PPP1R12C: variants seen among roughly 807,000 people sequenced by gnomAD.
PPP1R12C encodes leukocyte receptor cluster (LRC) encoded novel gene 3.
PPP1R12C carries 48 observed loss-of-function variants against 95.6 expected under a neutral mutation model. The ratio of observed to expected loss-of-function variants is 0.50; its 90% confidence interval spans 0.40 to 0.64. PPP1R12C has a LOEUF of 0.64. PPP1R12C is among the 30% of genes least tolerant of loss of function. The pLI, the probability that PPP1R12C is intolerant of heterozygous loss-of-function variation, is 0.00. For synonymous variants in PPP1R12C, 480 were observed against 460.8 expected, an observed-to-expected ratio of 1.04 and a Z score of -0.53; for missense variants, 1,057 against 1,083.3, an observed-to-expected ratio of 0.98 and a Z score of 0.34.
chr19:55,096,043 C>A lies in PPP1R12C; in HGVS notation c.1153+8G>T. 1.9e-6 allele frequency: 3 copies of A among 1,609,066 alleles called. No individual in the cohort carries two copies. The highest frequency in any genetic ancestry group is 2.5e-6 in the Non-Finnish European group (3 of 1,179,202). Reference sequence around the variant, plus strand: ...TCGGACCCAGGAGTCCAGATTCAGGCCCCTCACCGGTGGGACCTTCTTCCC... The same window carrying A: ...TCGGACCCAGGAGTCCAGATTCAGGACCCTCACCGGTGGGACCTTCTTCCC... On this transcript the variant is annotated splice_region_variant and intron_variant, in intron 8 of 21. Coordinates refer to ENST00000263433, the MANE Select transcript of PPP1R12C (RefSeq NM_017607.4).
chr19:55,094,885 T>C (rs925814558), intron 11 of PPP1R12C, 87 bp from the exon 12 acceptor site: 3 of 1,425,482 alleles, frequency 2.1e-6, no homozygotes, highest in Non-Finnish European at 2.9e-6. Context: ...AAGAAACAAA[T>C]TATCTGGGCC....
In PPP1R12C at chr19:55,095,352, C is replaced by T; in HGVS notation, c.1393G>A (p.Glu465Lys). The change falls in exon 11 of 22, where the codon GAG (glutamate) becomes AAG (lysine). Residue 465 changes from glutamate (E) to lysine (K), a missense_variant. By Grantham distance (56) the Glu-to-Lys change is moderately conservative. Transcript: ENST00000263433. ...WLEGTSTQAK[E>K]LRLARITPTP... ...GGGGTAATTCTGGCAAGACGGAGCT[C>T]CTTGGCCTGTGTGGAGAGGAGAAGG... The T allele has an allele frequency of 6.3e-7, 1 of 1,591,416 alleles. No homozygotes were observed.
At chr19:55,096,564 C>T (rs886944929) in intron 6 of PPP1R12C, among the ~76,000 whole-genome samples, 1 of 152,076 alleles carries the variant, frequency 6.6e-6, no homozygotes, top group Non-Finnish European at 1.5e-5. Context: ...CCTCACGGCC[C>T]CCACCCATGA....
At position 55,098,935 on chromosome 19, in the gene PPP1R12C, G is replaced by C. The variant is rs758938818; in HGVS notation, c.876+16C>G. On this transcript the variant is annotated intron_variant, in intron 5 of 21. Coordinates refer to ENST00000263433, the MANE Select transcript of PPP1R12C (RefSeq NM_017607.4). ...CCCACGCCCTGCCCCTCACCAGCCT[G>C]GGCACTGGCCCTCACCGCATGGGTC... is the stretch of plus-strand genomic sequence containing the variant. The C allele has an allele frequency of 3.4e-5, 54 of 1,594,756 alleles. No homozygotes were observed. The highest frequency in any genetic ancestry group is 4.4e-5 in the Non-Finnish European group (52 of 1,170,682).
At chr19:55,110,316 G>A (rs1420715295) in intron 3 of PPP1R12C, among the ~76,000 whole-genome samples, 4 of 151,822 alleles carry the variant, frequency 2.6e-5, no homozygotes, top group African/African-American at 4.8e-5. Context: ...TAGCATCAAG[G>A]TTGGTGCGGT....
In PPP1R12C at chr19:55,091,682, G is replaced by A. The variant is rs373087491; in HGVS notation, c.2230C>T (p.Arg744Cys). Reference sequence around the variant, plus strand: ...TCCTCCTCCAGCTCTGCGGCCTTGCGTTCCAGGGCCCTGCGCTCCTGGAAT... The same window carrying A: ...TCCTCCTCCAGCTCTGCGGCCTTGCATTCCAGGGCCCTGCGCTCCTGGAAT... ...LERFERRALE[R>C]KAAELEEELK... The change falls in exon 21 of 22, where the codon CGC becomes TGC. Residue 744 changes from arginine to cysteine, a missense_variant. Arg to Cys is a radical substitution (Grantham distance 180, BLOSUM62 -3). This residue lies in a region of PPP1R12C where 347 missense variants were observed against 307.9 expected (regional missense o/e 1.13). Coordinates refer to ENST00000263433, the MANE Select transcript of PPP1R12C (RefSeq NM_017607.4). The A allele has an allele frequency of 3.5e-5, 56 of 1,613,090 alleles. No homozygotes were observed. The African/African-American group carries it at 5.2e-4, about 15-fold the overall frequency.
At position 55,109,443 on chromosome 19, in the gene PPP1R12C, T is replaced by A. The variant is rs927489630; in HGVS notation, c.571+3024A>T. On this transcript the variant is annotated intron_variant, in intron 3 of 21. Coordinates refer to ENST00000263433, the MANE Select transcript of PPP1R12C (RefSeq NM_017607.4). The surrounding 1 kb of genome is among the most constrained non-coding windows in gnomAD (Gnocchi z 4.4). ...TGAGCCAGGAGGAACGGGTTTTGGT[T>A]CTTGCAAAGAGTCATGCCCGATTCA... Among the ~76,000 whole-genome samples, 5 of 152,214 alleles carry A rather than the reference T, an allele frequency of 3.3e-5. No homozygotes were observed. The highest frequency in any genetic ancestry group is 3.2e-3 in the Middle Eastern group (1 of 316).
At chr19:55,108,057 T>A (rs2085057606) in intron 3 of PPP1R12C, among the ~76,000 whole-genome samples, 1 of 150,988 alleles carries the variant, frequency 6.6e-6, no homozygotes, top group Non-Finnish European at 1.5e-5. Context: ...TGCCTCAGCC[T>A]CCCGAGTAGC....
At chr19:55,111,397 A>G (rs1276778936) in intron 3 of PPP1R12C, 1 of 152,228 alleles carries the variant, frequency 6.6e-6, no homozygotes, top group African/African-American at 2.4e-5. Context: ...GGGTAGTCAC[A>G]TGCTATTGCT....
rs141312414 is a variant in PPP1R12C, at chr19:55,098,630, AGGCTGG to A, written c.951+148_951+153del. On this transcript the variant is annotated intron_variant, in intron 6 of 21. Transcript: ENST00000263433. ...CTGCCCCGGCTGGGGGTCTCTCCTG[AGGCTGG>A]GGCTGGGGCTGGGTCACCAAGAGGG... 2.4e-4 allele frequency among the ~76,000 whole-genome samples: 37 copies of A among 152,264 alleles called. No individual in the cohort carries two copies. In the East Asian group the frequency reaches 6.6e-3, roughly 27 times the overall value.
At chr19:55,097,695 G>A (rs1178728727) in intron 6 of PPP1R12C, among the ~76,000 whole-genome samples, 9 of 151,900 alleles carry the variant, frequency 5.9e-5, no homozygotes, top group Non-Finnish European at 1.0e-4. Context: ...GTTCACCACC[G>A]TCTTCACACC....
chr19:55,104,179 A>AT (rs34744793), intron 3 of PPP1R12C, among the ~76,000 whole-genome samples: 21,999 of 103,966 alleles, frequency 0.21, 2,727 homozygotes, highest in African/African-American at 0.38. Flanking sequence ...AAAAAAAAAA[A>AT]GTATATATAT....
At chr19:55,095,678 A>G in intron 9 of PPP1R12C, 75 bp from the exon 10 acceptor site, 1 of 1,500,978 alleles carries the variant, frequency 6.7e-7, no homozygotes, top group African/African-American at 1.4e-5. Flanking sequence ...CCCCCAAAGG[A>G]CTGCAACAAA....
At chr19:55,098,009 C>G (rs1467672966) in intron 6 of PPP1R12C, among the ~76,000 whole-genome samples, 1 of 152,174 alleles carries the variant, frequency 6.6e-6, no homozygotes, top group Non-Finnish European at 1.5e-5. Flanking sequence ...TCTTCTCCTA[C>G]ATCCATCAGC....
Position 55,095,088 on chromosome 19 carries a change from G to C in PPP1R12C, c.1454+203C>G, listed in dbSNP as rs73935103. ...GGGTGGTCAGTGTGCACCTCGGGGT[G>C]GGGGGAAGATAGGGGAGAAGGTGAC... On this transcript the variant is annotated intron_variant, in intron 11 of 21. Transcript: ENST00000263433. The C allele has an allele frequency of 8.6e-3, 6,107 of 708,898 alleles. 299 individuals are homozygous for C. In the African/African-American group the frequency reaches 0.097, roughly 11 times the overall value. 43.9% of individuals were successfully genotyped at this position (708,898 alleles called of 1,614,324 possible).
chr19:55,093,034 C>G lies in PPP1R12C; in HGVS notation c.1807G>C (p.Asp603His), dbSNP rs1646305664. 2.5e-6 allele frequency: 4 copies of G among 1,586,338 alleles called. No individual in the cohort carries two copies. In the Admixed American group the frequency reaches 6.9e-5, roughly 27 times the overall value. Residue 603 changes from aspartate (D) to histidine (H), a missense_variant, in exon 15 of 22, where the codon GAC becomes CAC. Physicochemically the swap from Asp to His is moderately conservative, Grantham distance 81 (BLOSUM62 -1). Transcript: ENST00000263433. ...RPRVPGVENSDSPAQRAEAPD... is the reference protein window; with the variant it reads ...RPRVPGVENSHSPAQRAEAPD... Reference sequence around the variant, plus strand: ...ACCTCACCTCTCTGGGCAGGGCTGTCAGAGTTCTCCACTCCAGGGACGCGG... The same window carrying G: ...ACCTCACCTCTCTGGGCAGGGCTGTGAGAGTTCTCCACTCCAGGGACGCGG...
chr19:55,092,982 C>T (rs1602969590), intron 15 of PPP1R12C, 34 bp downstream of exon 15: 1 of 1,563,982 alleles, frequency 6.4e-7, no homozygotes, highest in Non-Finnish European at 8.7e-7. Flanking sequence ...CTGGATGATT[C>T]CCTGGGAATG....
chr19:55,111,456 A>C (rs2085095038), intron 3 of PPP1R12C: 1 of 152,190 alleles, frequency 6.6e-6, no homozygotes, highest in Non-Finnish European at 1.5e-5. Context: ...AAGTTGGAGG[A>C]GGAAGGAGAC....
intron 4 of PPP1R12C, among the ~76,000 whole-genome samples, chr19:55,100,636 G>GTGT (rs2084970199): frequency 6.6e-6 from 1 of 152,150 alleles, no homozygotes; most frequent in Non-Finnish European, 1.5e-5. Context: ...GTTTTGAGAC[G>GTGT]GAGTCTCACA....
Sources: allele counts gnomAD v4.1 joint callset (sites outside exome capture counted in the v4.1 genomes callset), GRCh38; gene constraint gnomAD v4.1.1; regional missense constraint gnomAD v4.1.1; non-coding constraint Gnocchi (gnomAD v3.1); transcripts MANE v1.5; gene names NCBI Gene and HGNC (gene_info 2026-07-23, HGNC 2026-07-21).